The following KIAA1217 variants were observed in gnomAD, a reference collection of about 807,000 sequenced individuals.
KIAA1217 encodes the protein sickle tail protein homolog.
Under a neutral mutation model 163.9 loss-of-function variants are expected in KIAA1217, and 88 were observed. That is an observed-to-expected ratio of 0.54 (90% CI 0.45 to 0.64). The LOEUF is 0.64. Among genes scored for constraint, KIAA1217 ranks in the 30% least tolerant of loss-of-function variants. KIAA1217 has a pLI of 0.00. For missense variants in KIAA1217, 2,372 were observed against 2,475.0 expected, an observed-to-expected ratio of 0.96 and a Z score of 0.88; for synonymous variants, 903 against 923.1, an observed-to-expected ratio of 0.98 and a Z score of 0.39.
intron 2 of KIAA1217, among the ~76,000 whole-genome samples, chr10:24,134,121 G>A (rs373361449): frequency 6.6e-6 from 1 of 152,210 alleles, no homozygotes; most frequent in Non-Finnish European, 1.5e-5. Flanking sequence ...TCTAGCTAGA[G>A]TACAAGGGTG....
intron 2 of KIAA1217, among the ~76,000 whole-genome samples, chr10:24,076,840 G>A (rs1170961149): frequency 6.6e-6 from 1 of 151,342 alleles, no homozygotes; most frequent in Non-Finnish European, 1.5e-5. Context: ...TATACTTTCA[G>A]ATCTAAGAAG....
intron 15 of KIAA1217, among the ~76,000 whole-genome samples, chr10:24,532,370 T>C (rs1201339926): frequency 2.0e-5 from 3 of 152,236 alleles, no homozygotes; most frequent in African/African-American, 7.2e-5. Flanking sequence ...CAATGAGCTT[T>C]AAATTCCACT....
intron 1 of KIAA1217, among the ~76,000 whole-genome samples, chr10:23,839,245 G>A (rs1394030084): frequency 6.6e-6 from 1 of 152,016 alleles, no homozygotes; most frequent in East Asian, 1.9e-4. Flanking sequence ...TTCATGGCCT[G>A]ATTAAATTTT....
At chr10:24,520,644 AAAAAAAAAT>A (rs2071006307) in intron 11 of KIAA1217, among the ~76,000 whole-genome samples, 6 of 89,938 alleles carry the variant, frequency 6.7e-5, no homozygotes, top group African/African-American at 3.4e-4. Context: ...AAAAAAAAAA[AAAAAAAAAT>A]ATATATATAT....
At chr10:24,437,077 C>T (rs950739239) in intron 4 of KIAA1217, among the ~76,000 whole-genome samples, 4 of 152,134 alleles carry the variant, frequency 2.6e-5, no homozygotes, top group Non-Finnish European at 5.9e-5. Context: ...ATAAACCAAC[C>T]TCATGCATTT....
chr10:24,168,132 C>T (rs893794209), intron 2 of KIAA1217, among the ~76,000 whole-genome samples: 1 of 152,092 alleles, frequency 6.6e-6, no homozygotes, highest in Non-Finnish European at 1.5e-5. Flanking sequence ...TATTACTGAA[C>T]TTGAATCCTG....
intron 2 of KIAA1217, among the ~76,000 whole-genome samples, chr10:24,234,574 G>T (rs1269081319): frequency 6.9e-6 from 1 of 145,654 alleles, no homozygotes; most frequent in Admixed American, 7.2e-5. Context: ...AGGCAGAATT[G>T]CTTGAACCCA....
At chr10:23,975,583 C>A (rs2131401277) in intron 1 of KIAA1217, among the ~76,000 whole-genome samples, 1 of 152,282 alleles carries the variant, frequency 6.6e-6, no homozygotes, top group Non-Finnish European at 1.5e-5. Flanking sequence ...GAGCTCAGAT[C>A]ACTTTCAAAG....
intron 2 of KIAA1217, among the ~76,000 whole-genome samples, chr10:24,081,831 C>T (rs1175707280): frequency 1.3e-5 from 2 of 152,156 alleles, no homozygotes; most frequent in South Asian, 2.1e-4. Flanking sequence ...CAAGCTTGGT[C>T]TAAAAGGACA....
intron 17 of KIAA1217, chr10:24,542,436 C>A: frequency 9.0e-7 from 1 of 1,108,270 alleles, no homozygotes; most frequent in Non-Finnish European, 1.2e-6. Context: ...ATTTTCTTCA[C>A]CACTCCCCTA....
chr10:24,512,407 C>G (rs921961130), intron 9 of KIAA1217, among the ~76,000 whole-genome samples: 2 of 152,148 alleles, frequency 1.3e-5, no homozygotes, highest in African/African-American at 4.8e-5. Context: ...GATGGAGCTG[C>G]TGTTAGAAAA....
intron 1 of KIAA1217, among the ~76,000 whole-genome samples, chr10:23,723,596 C>A (rs1837979233): frequency 6.6e-6 from 1 of 152,158 alleles, no homozygotes; most frequent in Non-Finnish European, 1.5e-5. Flanking sequence ...ATAGTTAAGA[C>A]TGGTTCGTGA....
In KIAA1217 at chr10:23,946,900, G is replaced by A. The variant is rs78495898; in HGVS notation, c.-320-60325G>A. On this transcript the variant is annotated intron_variant, in intron 1 of 18. Coordinates refer to the KIAA1217 transcript ENST00000376462. ...GAATTGTAGTTCCTACAATCCCCAC[G>A]TTTCGTGGGAGGGACCCAGTGGGAG... is the stretch of plus-strand genomic sequence containing the variant. Among the ~76,000 whole-genome samples, 626 of 152,188 alleles carry A rather than the reference G, an allele frequency of 4.1e-3. 1 individual carries two copies. The highest frequency in any genetic ancestry group is 6.4e-3 in the Non-Finnish European group (435 of 67,998).
intron 3 of KIAA1217, among the ~76,000 whole-genome samples, chr10:24,397,691 G>A (rs1487287197): frequency 6.6e-6 from 1 of 152,182 alleles, no homozygotes; most frequent in Non-Finnish European, 1.5e-5. Flanking sequence ...TCTTATGAGA[G>A]CAGTGACTAT....
At chr10:23,743,851 A>G (rs1228110009) in intron 1 of KIAA1217, among the ~76,000 whole-genome samples, 1 of 152,078 alleles carries the variant, frequency 6.6e-6, no homozygotes, top group Non-Finnish European at 1.5e-5. Flanking sequence ...TGATGTTTGA[A>G]TGTTTGGTTA....
intron 10 of KIAA1217, among the ~76,000 whole-genome samples, chr10:24,515,449 A>G (rs990225308): frequency 6.6e-6 from 1 of 152,212 alleles, no homozygotes; most frequent in Non-Finnish European, 1.5e-5. Context: ...GCCATCTTTA[A>G]TCTCAATAAT....
At chr10:23,984,377 T>C (rs1159036555) in intron 1 of KIAA1217, among the ~76,000 whole-genome samples, 2 of 152,230 alleles carry the variant, frequency 1.3e-5, no homozygotes, top group African/African-American at 4.8e-5. Context: ...TCAATTTAAC[T>C]ATCTCAAAAG....
intron 2 of KIAA1217, among the ~76,000 whole-genome samples, chr10:24,334,449 AAG>A (rs1257757873): frequency 6.9e-6 from 1 of 144,212 alleles, no homozygotes; most frequent in Non-Finnish European, 1.5e-5. Context: ...GGAAGGAAGG[AAG>A]GAAGGAAGGA....
chr10:24,010,707 A>AG (rs1422758123), intron 2 of KIAA1217, among the ~76,000 whole-genome samples: 2 of 150,874 alleles, frequency 1.3e-5, no homozygotes, highest in African/African-American at 4.9e-5. Flanking sequence ...AAAAAAAAAA[A>AG]GGGAACTTTA....
Sources: allele counts gnomAD v4.1 joint callset (sites outside exome capture counted in the v4.1 genomes callset), GRCh38; gene constraint gnomAD v4.1.1; transcripts MANE v1.5; gene names NCBI Gene and HGNC (gene_info 2026-07-23, HGNC 2026-07-21).